The following PTPRK variants were observed in gnomAD, a reference collection of about 807,000 sequenced individuals.
PTPRK encodes the protein protein tyrosine phosphatase receptor type K.
In PTPRK, 75 loss-of-function variants were observed where a neutral mutation model predicts 178.0. The ratio of observed to expected loss-of-function variants is 0.42; its 90% confidence interval spans 0.35 to 0.51. PTPRK has a LOEUF of 0.51. PTPRK is among the 20% of genes least tolerant of loss of function. PTPRK has a pLI of 0.02. For synonymous variants in PTPRK, 637 were observed against 620.6 expected, an observed-to-expected ratio of 1.03 and a Z score of -0.39; for missense variants, 1,441 against 1,797.8, an observed-to-expected ratio of 0.80 and a Z score of 3.59.
chr6:128,204,280 G>C (rs1182448492), intron 6 of PTPRK, among the ~76,000 whole-genome samples: 2 of 151,972 alleles, frequency 1.3e-5, no homozygotes, highest in African/African-American at 4.8e-5. Flanking sequence ...AACCCAAGAT[G>C]ATTAAAGACT....
chr6:128,040,180 T>A (rs1345141872), intron 13 of PTPRK, among the ~76,000 whole-genome samples: 1 of 152,202 alleles, frequency 6.6e-6, no homozygotes, highest in Non-Finnish European at 1.5e-5. Context: ...TTTGCTCTAG[T>A]CTTTAGACAT....
chr6:128,417,578 A>G (rs905084421), intron 1 of PTPRK, among the ~76,000 whole-genome samples: 1 of 152,236 alleles, frequency 6.6e-6, no homozygotes, highest in African/African-American at 2.4e-5. Context: ...ATATCATTAA[A>G]GGTTCTTTCT....
chr6:128,295,328 C>A (rs369340750), intron 3 of PTPRK, among the ~76,000 whole-genome samples: 28 of 152,056 alleles, frequency 1.8e-4, no homozygotes, highest in Non-Finnish European at 3.5e-4. Flanking sequence ...AATTTGCCAA[C>A]CTCTGTTACA....
At chr6:128,405,965 AATTT>A (rs1841598476) in intron 1 of PTPRK, among the ~76,000 whole-genome samples, 1 of 152,106 alleles carries the variant, frequency 6.6e-6, no homozygotes, top group African/African-American at 2.4e-5. Context: ...ATAACCAATT[AATTT>A]ATGTAAATAA....
chr6:128,367,073 G>C (rs916839420), intron 2 of PTPRK, among the ~76,000 whole-genome samples: 2 of 152,054 alleles, frequency 1.3e-5, no homozygotes, highest in Non-Finnish European at 2.9e-5. Context: ...ATAGTACCTT[G>C]GTCTCTATGT....
At chr6:128,283,445 T>G (rs186328103) in intron 3 of PTPRK, among the ~76,000 whole-genome samples, 1 of 152,344 alleles carries the variant, frequency 6.6e-6, no homozygotes, top group Non-Finnish European at 1.5e-5. Flanking sequence ...TAATTCTTCC[T>G]TCTCATATCT....
chr6:128,132,670 T>C (rs555796547), intron 7 of PTPRK, among the ~76,000 whole-genome samples: 3 of 152,366 alleles, frequency 2.0e-5, no homozygotes, highest in South Asian at 4.1e-4. Flanking sequence ...TATGGCATAC[T>C]TGACTTTCAT....
intron 13 of PTPRK, among the ~76,000 whole-genome samples, chr6:128,059,273 G>T (rs1780425530): frequency 6.6e-6 from 1 of 151,928 alleles, no homozygotes; most frequent in Non-Finnish European, 1.5e-5. Flanking sequence ...CCATGAACAT[G>T]GTGTGCCATC....
At chr6:128,465,208 A>G (rs1849691118) in intron 1 of PTPRK, among the ~76,000 whole-genome samples, 1 of 152,192 alleles carries the variant, frequency 6.6e-6, no homozygotes, top group South Asian at 2.1e-4. Flanking sequence ...GTCTTCACAC[A>G]CTAAATCATG....
At chr6:128,075,677 G>GA (rs1783678760) in intron 11 of PTPRK, among the ~76,000 whole-genome samples, 2 of 152,050 alleles carry the variant, frequency 1.3e-5, no homozygotes, top group Non-Finnish European at 2.9e-5. Context: ...CATATAGAAT[G>GA]TTATTGAGTC....
At chr6:128,256,855 A>T (rs79089454) in intron 3 of PTPRK, among the ~76,000 whole-genome samples, 2,679 of 152,320 alleles carry the variant, frequency 0.018, 81 homozygotes, top group African/African-American at 0.062. Context: ...GTGTATTTGC[A>T]AAAGACTGAC....
intron 2 of PTPRK, among the ~76,000 whole-genome samples, chr6:128,368,348 A>G (rs1835810027): frequency 6.6e-6 from 1 of 152,000 alleles, no homozygotes; most frequent in Admixed American, 6.6e-5. Context: ...AATTCCAATA[A>G]AAGGAGAGAT....
chr6:128,019,353 G>C (rs549937559), intron 13 of PTPRK, among the ~76,000 whole-genome samples: 1 of 151,968 alleles, frequency 6.6e-6, no homozygotes, highest in African/African-American at 2.4e-5. Flanking sequence ...GGTGAGGTGG[G>C]GGATACAATA....
intron 3 of PTPRK, among the ~76,000 whole-genome samples, chr6:128,317,979 A>G (rs1828256889): frequency 2.0e-5 from 3 of 152,216 alleles, no homozygotes; most frequent in Admixed American, 6.5e-5. Context: ...CAACACTGCT[A>G]TACAAGATCA....
At chr6:128,150,662 T>C (rs1797119189) in intron 7 of PTPRK, among the ~76,000 whole-genome samples, 1 of 152,112 alleles carries the variant, frequency 6.6e-6, no homozygotes, top group Non-Finnish European at 1.5e-5. Flanking sequence ...TAAACATCTG[T>C]TTATCCCTTT....
chr6:128,257,683 T>C (rs1562882178), intron 3 of PTPRK, among the ~76,000 whole-genome samples: 2 of 152,176 alleles, frequency 1.3e-5, no homozygotes, highest in South Asian at 2.1e-4. Context: ...AATAAATAAG[T>C]CTCAGAAAGG....
chr6:128,129,586 A>G (rs1235723349), intron 7 of PTPRK, among the ~76,000 whole-genome samples: 3 of 152,182 alleles, frequency 2.0e-5, no homozygotes, highest in African/African-American at 7.2e-5. Context: ...ACTGAAGAGA[A>G]TAAGAAATGC....
intron 7 of PTPRK, among the ~76,000 whole-genome samples, chr6:128,179,950 T>C (rs1301403287): frequency 3.3e-5 from 5 of 152,098 alleles, no homozygotes; most frequent in South Asian, 2.1e-4. Context: ...CACTGCTTCA[T>C]AGATCTAACT....
At chr6:128,082,663 C>T (rs746907665) in intron 9 of PTPRK, 25 bp from the exon 10 acceptor site, 58 of 1,508,996 alleles carry the variant, frequency 3.8e-5, no homozygotes, top group Admixed American at 8.8e-5. Flanking sequence ...ACATTTATTA[C>T]ATATCTAGTA....
Sources: allele counts gnomAD v4.1 joint callset (sites outside exome capture counted in the v4.1 genomes callset), GRCh38; gene constraint gnomAD v4.1.1; transcripts MANE v1.5; gene names NCBI Gene and HGNC (gene_info 2026-07-23, HGNC 2026-07-21).